Variants in DIAPH3 observed in about 807,000 individuals in gnomAD.
DIAPH3 encodes the protein protein diaphanous homolog 3.
In DIAPH3, 117 loss-of-function variants were observed where a neutral mutation model predicts 144.3. The observed-to-expected ratio is 0.81, with a 90% CI of 0.70 to 0.95. The LOEUF (loss-of-function observed/expected upper bound fraction) is 0.95, where lower values mean the gene tolerates loss of function less well. Among genes scored for constraint, DIAPH3 ranks in the 40% least tolerant of loss-of-function variants. The pLI, the probability that DIAPH3 is intolerant of heterozygous loss-of-function variation, is 0.00. For missense variants in DIAPH3, 1,421 were observed against 1,412.7 expected (o/e 1.01, Z -0.09); for synonymous variants, 519 against 488.9 (o/e 1.06, Z -0.81).
intron 25 of DIAPH3, among the ~76,000 whole-genome samples, chr13:59,799,375 GCACACACACA>G (rs56979042): frequency 0.044 from 6,107 of 139,348 alleles, 133 homozygotes; most frequent in African/African-American, 0.051. Flanking sequence ...CTGGAAATAT[GCACACACACA>G]CACACACACA....
chr13:59,691,721 G>A (rs1169023742), intron 27 of DIAPH3, among the ~76,000 whole-genome samples: 1 of 152,134 alleles, frequency 6.6e-6, no homozygotes, highest in Non-Finnish European at 1.5e-5. Context: ...AAACAAGGAG[G>A]AAAGAATGTT....
At chr13:59,728,569 T>G (rs1171896795) in intron 27 of DIAPH3, among the ~76,000 whole-genome samples, 1 of 152,062 alleles carries the variant, frequency 6.6e-6, no homozygotes, top group Non-Finnish European at 1.5e-5. Flanking sequence ...ATTTTCCATT[T>G]TTAGGTATAA....
At chr13:59,884,157 C>T (rs2045279822) in intron 20 of DIAPH3, among the ~76,000 whole-genome samples, 1 of 152,068 alleles carries the variant, frequency 6.6e-6, no homozygotes, top group South Asian at 2.1e-4. Flanking sequence ...GGAGCGAGAA[C>T]CCTGTTGTGA....
intron 1 of DIAPH3, chr13:60,147,285 T>A (rs777556609): frequency 1.3e-5 from 2 of 152,206 alleles, no homozygotes; most frequent in Non-Finnish European, 2.9e-5. Context: ...TATAGCCATT[T>A]TTGGAAGACT....
intron 24 of DIAPH3, among the ~76,000 whole-genome samples, chr13:59,827,340 AAAAC>A (rs2041497260): frequency 6.6e-6 from 1 of 152,124 alleles, no homozygotes; most frequent in Admixed American, 6.6e-5. Flanking sequence ...TTACAAGGAA[AAAAC>A]AAACAACCCC....
rs547291047 is a variant in DIAPH3 at position 60,067,491 on chromosome 13, G to A, written c.496-24671C>T. ...CAGCCATGGATATATACAGATAGCC[G>A]ACCCCTTGCTAGGATGAGGAGATAC... On this transcript the variant is annotated intron_variant, in intron 4 of 27. Coordinates refer to ENST00000400324, the MANE Select transcript of DIAPH3 (RefSeq NM_001042517.2). Among the ~76,000 whole-genome samples the A allele has an allele frequency of 1.3e-3, 198 of 152,086 alleles. 1 individual carries two copies. The highest frequency in any genetic ancestry group is 2.5e-3 in the Non-Finnish European group (167 of 67,972).
rs548183155 is a variant in DIAPH3 at position 59,918,192 on chromosome 13, A to C, written c.2171-1943T>G. On this transcript the variant is annotated intron_variant, in intron 18 of 27. Transcript: ENST00000400324. ...ATCACCCGTATCAATCCATCCACCA[A>C]CGTCAGGCAGCACAGGAAAAAAAAA... Among the ~76,000 whole-genome samples, 3 of 147,316 alleles carry C rather than the reference A, an allele frequency of 2.0e-5. No individual in the cohort carries two copies. In the South Asian group the frequency reaches 6.5e-4, roughly 32 times the overall value.
intron 27 of DIAPH3, among the ~76,000 whole-genome samples, chr13:59,706,568 G>A (rs2034440978): frequency 6.6e-6 from 1 of 152,164 alleles, no homozygotes; most frequent in African/African-American, 2.4e-5. Context: ...ATTGCTTAAT[G>A]TATACTTTGT....
At chr13:59,833,526 A>T (rs866480676) in intron 23 of DIAPH3, among the ~76,000 whole-genome samples, 59 of 151,960 alleles carry the variant, frequency 3.9e-4, no homozygotes, top group African/African-American at 1.4e-3. Context: ...TAACAAGTTT[A>T]AAAAATCTTT....
intron 27 of DIAPH3, among the ~76,000 whole-genome samples, chr13:59,709,413 C>T (rs1201456054): frequency 6.6e-6 from 1 of 152,128 alleles, no homozygotes; most frequent in Non-Finnish European, 1.5e-5. Flanking sequence ...AAACAAACAA[C>T]CCCATCAAAA....
At chr13:59,788,164 T>A (rs1343251137) in intron 25 of DIAPH3, among the ~76,000 whole-genome samples, 3 of 152,184 alleles carry the variant, frequency 2.0e-5, no homozygotes, top group African/African-American at 7.2e-5. Flanking sequence ...TCTAAATACA[T>A]CAATGAGAGA....
chr13:60,105,242 C>T (rs919823207), intron 3 of DIAPH3, among the ~76,000 whole-genome samples: 2 of 151,362 alleles, frequency 1.3e-5, no homozygotes, highest in African/African-American at 4.9e-5. Flanking sequence ...ACTTAAGATA[C>T]AACTTTTTTC....
chr13:59,799,122 C>T (rs995068430), intron 25 of DIAPH3, among the ~76,000 whole-genome samples: 1 of 151,924 alleles, frequency 6.6e-6, no homozygotes, highest in African/African-American at 2.4e-5. Context: ...TAAGAGAAAT[C>T]CAATTGTTCT....
At chr13:60,060,068 C>CA (rs1555367291) in intron 4 of DIAPH3, among the ~76,000 whole-genome samples, 1 of 151,792 alleles carries the variant, frequency 6.6e-6, no homozygotes, top group African/African-American at 2.4e-5. Flanking sequence ...GTCTGTCTTC[C>CA]TTTTTTTTCT....
chr13:59,984,438 C>G (rs928055818), intron 12 of DIAPH3, among the ~76,000 whole-genome samples: 1 of 151,462 alleles, frequency 6.6e-6, no homozygotes, highest in Non-Finnish European at 1.5e-5. Flanking sequence ...AATATTTGTC[C>G]AAAAATCGAA....
chr13:60,137,292 A>C (rs1356205796), intron 1 of DIAPH3, among the ~76,000 whole-genome samples: 1 of 152,236 alleles, frequency 6.6e-6, no homozygotes, highest in Non-Finnish European at 1.5e-5. Context: ...CTATATTCCC[A>C]TTTAAGCAAT....
chr13:59,990,082 T>C (rs1381372359), intron 12 of DIAPH3, among the ~76,000 whole-genome samples: 1 of 151,938 alleles, frequency 6.6e-6, no homozygotes, highest in Non-Finnish European at 1.5e-5. Flanking sequence ...CTAGCATTTA[T>C]AATATAAATA....
chr13:59,917,363 A>T (rs1308902945), intron 18 of DIAPH3, among the ~76,000 whole-genome samples: 1 of 152,172 alleles, frequency 6.6e-6, no homozygotes, highest in African/African-American at 2.4e-5. Flanking sequence ...ATTTTTTATA[A>T]AACTCAGGAA....
intron 20 of DIAPH3, among the ~76,000 whole-genome samples, chr13:59,891,449 A>C (rs1167218428): frequency 9.1e-5 from 11 of 121,256 alleles, no homozygotes; most frequent in Non-Finnish European, 7.0e-5. Context: ...AATTATCATC[A>C]AAAAAAAAAA....
Sources: allele counts gnomAD v4.1 joint callset (sites outside exome capture counted in the v4.1 genomes callset), GRCh38; gene constraint gnomAD v4.1.1; transcripts MANE v1.5; gene names NCBI Gene and HGNC (gene_info 2026-07-23, HGNC 2026-07-21).